Variants in SPAG16 observed in about 807,000 individuals in gnomAD.
SPAG16 encodes sperm associated antigen 16.
In SPAG16, 86 loss-of-function variants were observed where a neutral mutation model predicts 80.4. That is an observed-to-expected ratio of 1.07 (90% CI 0.90 to 1.28). The LOEUF (loss-of-function observed/expected upper bound fraction) is 1.28, where lower values mean the gene tolerates loss of function less well. SPAG16 is among the 50% of genes most tolerant of loss of function. The pLI is 0.00. For synonymous variants in SPAG16, 294 were observed against 265.9 expected, an observed-to-expected ratio of 1.11 and a Z score of -1.03; for missense variants, 870 against 765.3, an observed-to-expected ratio of 1.14 and a Z score of -1.61.
chr2:214,019,368 C>G (rs1159042898), intron 13 of SPAG16, among the ~76,000 whole-genome samples: 1 of 151,970 alleles, frequency 6.6e-6, no homozygotes, highest in Non-Finnish European at 1.5e-5. Flanking sequence ...TGTGTCAGAG[C>G]TGGGCTGGCA....
At chr2:213,878,957 T>G (rs902813781) in intron 11 of SPAG16, among the ~76,000 whole-genome samples, 4 of 152,108 alleles carry the variant, frequency 2.6e-5, no homozygotes, top group Non-Finnish European at 2.9e-5. Context: ...ATCAGGTGGA[T>G]GTGGATGTGT....
At chr2:213,794,539 T>A (rs1168084143) in intron 10 of SPAG16, among the ~76,000 whole-genome samples, 1 of 152,126 alleles carries the variant, frequency 6.6e-6, no homozygotes, top group Non-Finnish European at 1.5e-5. Flanking sequence ...ATCATTTGTT[T>A]TAAACTTTTC....
At chr2:213,441,714 A>G (rs2070967434) in intron 9 of SPAG16, among the ~76,000 whole-genome samples, 1 of 152,248 alleles carries the variant, frequency 6.6e-6, no homozygotes, top group Non-Finnish European at 1.5e-5. Context: ...AGACGACATG[A>G]TTACTTATGT....
intron 10 of SPAG16, among the ~76,000 whole-genome samples, chr2:213,781,871 A>G (rs1473720230): frequency 6.6e-6 from 1 of 152,202 alleles, no homozygotes; most frequent in Non-Finnish European, 1.5e-5. Context: ...CAAAATTTAA[A>G]TTACTGTTTA....
In SPAG16 at chr2:213,700,077, A is replaced by G. The variant is rs565558337; in HGVS notation, c.1071-162408A>G. Among the ~76,000 whole-genome samples the G allele has an allele frequency of 3.5e-3, 530 of 152,316 alleles. 4 individuals carry two copies. Among genetic ancestry groups the G allele is most frequent in the Non-Finnish European group, 5.8e-3 (393 of 68,020 alleles). On this transcript the variant is annotated intron_variant, in intron 10 of 15. Coordinates refer to ENST00000331683, the MANE Select transcript of SPAG16 (RefSeq NM_024532.5). ...GTTCTCTTTGTGGTAATATATTATC[A>G]TATGTAATTCAGTAAAGAAATGTGT...
At chr2:214,052,816 T>C (rs2049726851) in intron 13 of SPAG16, among the ~76,000 whole-genome samples, 1 of 152,092 alleles carries the variant, frequency 6.6e-6, no homozygotes, top group African/African-American at 2.4e-5. Flanking sequence ...GAATATTAAC[T>C]AAAAAGAGAC....
intron 15 of SPAG16, among the ~76,000 whole-genome samples, chr2:214,223,979 A>G (rs948354790): frequency 6.6e-6 from 1 of 152,192 alleles, no homozygotes; most frequent in African/African-American, 2.4e-5. Context: ...GGTAAAGTGA[A>G]TCAATAAACT....
chr2:213,731,460 G>GT (rs986357991), intron 10 of SPAG16, among the ~76,000 whole-genome samples: 923 of 24,508 alleles, frequency 0.038, 6 homozygotes, highest in Non-Finnish European at 0.13. Context: ...ATGTCCAGCT[G>GT]TTTTTTTTTT....
At chr2:213,929,687 C>T (rs2078663411) in intron 11 of SPAG16, among the ~76,000 whole-genome samples, 1 of 152,168 alleles carries the variant, frequency 6.6e-6, no homozygotes, top group Non-Finnish European at 1.5e-5. Context: ...AACAAAAACA[C>T]TAATTTAGTG....
chr2:214,233,003 G>T (rs1688806028), intron 15 of SPAG16, among the ~76,000 whole-genome samples: 2 of 152,022 alleles, frequency 1.3e-5, no homozygotes, highest in Non-Finnish European at 2.9e-5. Context: ...AATGTGCAGT[G>T]AAAGAAGTAA....
At chr2:214,111,530 G>A (rs1031196599) in intron 14 of SPAG16, among the ~76,000 whole-genome samples, 2 of 152,164 alleles carry the variant, frequency 1.3e-5, no homozygotes, top group African/African-American at 4.8e-5. Context: ...GTTGGTTACT[G>A]TAGCCTTGTA....
chr2:213,443,675 G>A (rs1467969158), intron 9 of SPAG16, among the ~76,000 whole-genome samples: 2 of 152,158 alleles, frequency 1.3e-5, no homozygotes, highest in Admixed American at 6.5e-5. Context: ...CCCAGCAGAA[G>A]GATTGCTGGG....
chr2:214,062,489 C>T (rs548447871), intron 13 of SPAG16, among the ~76,000 whole-genome samples: 1 of 150,898 alleles, frequency 6.6e-6, no homozygotes, highest in South Asian at 2.1e-4. Context: ...ATTACCACAT[C>T]CCCAAACATG....
At chr2:214,235,178 A>G (rs1688989275) in intron 15 of SPAG16, among the ~76,000 whole-genome samples, 1 of 152,150 alleles carries the variant, frequency 6.6e-6, no homozygotes, top group Non-Finnish European at 1.5e-5. Context: ...TTGATTTTAG[A>G]TACCTTTAAT....
At chr2:213,727,481 G>A (rs1158772650) in intron 10 of SPAG16, among the ~76,000 whole-genome samples, 1 of 152,136 alleles carries the variant, frequency 6.6e-6, no homozygotes, top group African/African-American at 2.4e-5. Flanking sequence ...GAAGATAATT[G>A]AGCAAAAACA....
At chr2:213,878,420 A>G (rs1265489194) in intron 11 of SPAG16, among the ~76,000 whole-genome samples, 2 of 152,098 alleles carry the variant, frequency 1.3e-5, no homozygotes, top group Admixed American at 6.6e-5. Context: ...GTATTTGTCA[A>G]TATGCTTTTT....
At chr2:213,842,434 T>C (rs778822260) in intron 10 of SPAG16, among the ~76,000 whole-genome samples, 2 of 152,116 alleles carry the variant, frequency 1.3e-5, no homozygotes, top group Non-Finnish European at 2.9e-5. Flanking sequence ...AAAATTTATA[T>C]ACATATATAC....
rs189341547 is a variant in SPAG16, at chr2:213,909,693, G to T, written c.1215-20267G>T. ...AGCCATATGTAGAAAGTTGAAACTG[G>T]ATCCCTTCCTTACACCTTATACAAA... On this transcript the variant is annotated intron_variant, in intron 11 of 15. Transcript: ENST00000331683. Among the ~76,000 whole-genome samples, 854 of 152,192 alleles carry T rather than the reference G, an allele frequency of 5.6e-3. 6 individuals are homozygous for T. Among genetic ancestry groups the T allele is most frequent in the African/African-American group, 0.019 (787 of 41,516 alleles).
intron 9 of SPAG16, among the ~76,000 whole-genome samples, chr2:213,388,375 T>C (rs888657987): frequency 6.6e-6 from 1 of 152,228 alleles, no homozygotes; most frequent in African/African-American, 2.4e-5. Flanking sequence ...AGTCTCCTTT[T>C]CCCACCTTCG....
Sources: gnomAD v4.1 joint callset for allele counts (sites outside exome capture counted in the v4.1 genomes callset) on GRCh38, gnomAD v4.1.1 for gene constraint, MANE v1.5 for transcripts, NCBI Gene and HGNC (gene_info 2026-07-23, HGNC 2026-07-21) for gene names.